The following WASL variants were observed in gnomAD, a reference collection of about 807,000 sequenced individuals.
The protein encoded by WASL is WASP like actin nucleation promoting factor, also known as actin nucleation-promoting factor WASL.
Under a neutral mutation model 55.5 loss-of-function variants are expected in WASL, and 20 were observed. The ratio of observed to expected loss-of-function variants is 0.36; its 90% CI spans 0.25 to 0.52. WASL has a LOEUF of 0.52. Ranked by LOEUF, WASL falls within the 20% of genes least tolerant of loss-of-function variation. The pLI, the probability that WASL is intolerant of heterozygous loss-of-function variation, is 0.92. For synonymous variants in WASL, 249 were observed against 217.6 expected (o/e 1.14, Z -1.27); for missense variants, 504 against 622.5 (o/e 0.81, Z 2.03).
intron 1 of WASL, among the ~76,000 whole-genome samples, chr7:123,745,951 C>A (rs1005508562): frequency 2.6e-5 from 4 of 152,190 alleles, no homozygotes; most frequent in Non-Finnish European, 5.9e-5. Flanking sequence ...CTTTAATCCC[C>A]TAAACCTTTA....
At chr7:123,711,926 G>A (rs556891423) in intron 1 of WASL, among the ~76,000 whole-genome samples, 14 of 152,294 alleles carry the variant, frequency 9.2e-5, no homozygotes, top group African/African-American at 3.4e-4. Context: ...GTCATATCTT[G>A]TGTATTCCTG....
chr7:123,690,666 GA>G (rs1272562442), intron 9 of WASL, among the ~76,000 whole-genome samples: 5 of 100,040 alleles, frequency 5.0e-5, no homozygotes, highest in African/African-American at 1.8e-4. Flanking sequence ...AAGTTATGGA[GA>G]AAGTAAATAG....
At chr7:123,696,002 T>C (rs1803486387) in intron 6 of WASL, 137 bp from the exon 7 acceptor site, 6 of 714,340 alleles carry the variant, frequency 8.4e-6, no homozygotes, top group Non-Finnish European at 9.3e-6. Flanking sequence ...CATAACCATA[T>C]TGTGATAAAA....
chr7:123,722,459 T>C (rs1011076562), intron 1 of WASL, among the ~76,000 whole-genome samples: 2 of 152,168 alleles, frequency 1.3e-5, no homozygotes, highest in South Asian at 2.1e-4. Context: ...TTAATCATCT[T>C]AGATGATTAA....
chr7:123,714,667 G>C (rs982017084), intron 1 of WASL, among the ~76,000 whole-genome samples: 3 of 152,126 alleles, frequency 2.0e-5, no homozygotes, highest in African/African-American at 7.2e-5. Context: ...GGATAACTGG[G>C]GGTGAGGACA....
chr7:123,721,777 G>C (rs1562963159), intron 1 of WASL, among the ~76,000 whole-genome samples: 2 of 152,186 alleles, frequency 1.3e-5, no homozygotes, highest in African/African-American at 2.4e-5. Context: ...GTCAGGCGTG[G>C]TGGCGGGCGC....
At chr7:123,722,024 C>T (rs939206805) in intron 1 of WASL, among the ~76,000 whole-genome samples, 1 of 151,550 alleles carries the variant, frequency 6.6e-6, no homozygotes, top group East Asian at 1.9e-4. Flanking sequence ...CAGGGGCAGG[C>T]GGGAGGGTAC....
chr7:123,689,260 G>A, intron 9 of WASL, 110 bp from the exon 10 acceptor site: 1 of 822,844 alleles, frequency 1.2e-6, no homozygotes, highest in Non-Finnish European at 2.0e-6. Context: ...AGACAAAAAA[G>A]ATATCAAACT....
chr7:123,737,941 A>G (rs1308060071), intron 1 of WASL, among the ~76,000 whole-genome samples: 1 of 152,204 alleles, frequency 6.6e-6, no homozygotes. Flanking sequence ...ACAGTATAGA[A>G]TTATTATCTT....
rs1333157478 is a variant in WASL at position 123,683,683 on chromosome 7, T to A, written c.*836A>T. ...TAACCAAATATTGGAGTTACCATAA[T>A]ATTACCTCAGTTCATGTAGAATGAA... On this transcript the variant is annotated 3_prime_UTR_variant, in exon 11 of 11. Coordinates refer to ENST00000223023, the MANE Select transcript of WASL (RefSeq NM_003941.4). 1 of 152,064 alleles carries A rather than the reference T, an allele frequency of 6.6e-6. No individual in the cohort carries two copies. The highest frequency in any genetic ancestry group is 1.5e-5 in the Non-Finnish European group (1 of 67,950). The allele number at this position is 152,064 out of a possible 1,614,324, so 9.4% of individuals were successfully genotyped here. A position where few individuals can be genotyped will look rare whatever the true frequency, so the allele number is the denominator to read the frequency against.
intron 1 of WASL, among the ~76,000 whole-genome samples, chr7:123,737,336 G>A (rs566502920): frequency 2.6e-5 from 4 of 152,050 alleles, no homozygotes; most frequent in African/African-American, 7.2e-5. Context: ...GGTGGCTCAC[G>A]CCTGTAATCC....
At chr7:123,712,118 T>C (rs1462042437) in intron 1 of WASL, among the ~76,000 whole-genome samples, 1 of 152,138 alleles carries the variant, frequency 6.6e-6, no homozygotes, top group East Asian at 1.9e-4. Flanking sequence ...TCTGATTCCT[T>C]AGGTTGAAAT....
intron 5 of WASL, among the ~76,000 whole-genome samples, chr7:123,700,175 C>CAAAAAAAA (rs1168168286): frequency 1.7e-4 from 8 of 47,352 alleles, no homozygotes; most frequent in African/African-American, 3.0e-4. Context: ...AACTCCGTCT[C>CAAAAAAAA]AAAAAAAAAA....
Position 123,681,972 on chromosome 7 carries a change from G to C in WASL, c.*2547C>G, listed in dbSNP as rs540317353. ...ATTTGGGTCAAATTAATTTTATTATGCTCCATGATGAATTGCCACCAGTGC... is the reference window on the plus strand; with the variant it reads ...ATTTGGGTCAAATTAATTTTATTATCCTCCATGATGAATTGCCACCAGTGC... On this transcript the variant is annotated 3_prime_UTR_variant, in exon 11 of 11. Transcript: ENST00000223023. 4 of 152,090 alleles carry C rather than the reference G, an allele frequency of 2.6e-5. No homozygotes were observed. Among genetic ancestry groups the C allele is most frequent in the Non-Finnish European group, 4.4e-5 (3 of 67,992 alleles). The allele number at this position is 152,090 out of a possible 1,614,324, so 9.4% of individuals were successfully genotyped here. A position where few individuals can be genotyped will look rare whatever the true frequency, so the allele number is the denominator to read the frequency against.
At chr7:123,720,859 T>A (rs1803933372) in intron 1 of WASL, among the ~76,000 whole-genome samples, 1 of 151,994 alleles carries the variant, frequency 6.6e-6, no homozygotes, top group South Asian at 2.1e-4. Context: ...TAAAAATTGA[T>A]TTAAAATATA....
intron 5 of WASL, among the ~76,000 whole-genome samples, chr7:123,697,899 G>C (rs1803516989): frequency 6.6e-6 from 1 of 152,102 alleles, no homozygotes; most frequent in Non-Finnish European, 1.5e-5. Context: ...TGCAAGGCAG[G>C]GTAGACCTAT....
chr7:123,689,477 C>T (rs1325360998), intron 9 of WASL, among the ~76,000 whole-genome samples: 1 of 152,172 alleles, frequency 6.6e-6, no homozygotes, highest in African/African-American at 2.4e-5. Flanking sequence ...CTTAGATGAT[C>T]AACTTTAAAG....
chr7:123,748,432 G>GACCGCC (rs1018486044), intron 1 of WASL, among the ~76,000 whole-genome samples, 186 bp downstream of exon 1: 2 of 151,858 alleles, frequency 1.3e-5, no homozygotes, highest in African/African-American at 4.8e-5. Flanking sequence ...GGCGGCGCCC[G>GACCGCC]ACCGCCACGG....
intron 10 of WASL, among the ~76,000 whole-genome samples, chr7:123,685,412 C>G (rs2116761279): frequency 6.6e-6 from 1 of 152,082 alleles, no homozygotes; most frequent in Non-Finnish European, 1.5e-5. Flanking sequence ...ACTCACCAAT[C>G]TTATTCTGGC....
Sources: allele counts gnomAD v4.1 joint callset (sites outside exome capture counted in the v4.1 genomes callset), GRCh38; gene constraint gnomAD v4.1.1; transcripts MANE v1.5; gene names NCBI Gene and HGNC (gene_info 2026-07-23, HGNC 2026-07-21).